Variants in SGIP1 observed in about 807,000 individuals in gnomAD.
The protein encoded by SGIP1 is SH3GL interacting endocytic adaptor 1.
SGIP1 carries 38 observed loss-of-function variants against 107.5 expected under a neutral mutation model. The ratio of observed to expected loss-of-function variants is 0.35; its 90% CI spans 0.27 to 0.46. SGIP1 has a LOEUF of 0.46. SGIP1 is among the 20% of genes least tolerant of loss of function. SGIP1 has a pLI of 1.00. For synonymous variants in SGIP1, 365 were observed against 366.1 expected, an observed-to-expected ratio of 1.00 and a Z score of 0.03; for missense variants, 929 against 1,019.5, an observed-to-expected ratio of 0.91 and a Z score of 1.21.
intron 7 of SGIP1, among the ~76,000 whole-genome samples, chr1:66,653,956 C>G (rs1401529635): frequency 6.6e-6 from 1 of 152,144 alleles, no homozygotes; most frequent in African/African-American, 2.4e-5. Flanking sequence ...GAACAGTTTA[C>G]TGAATGTTGG....
At chr1:66,540,548 C>T (rs1040083727) in intron 1 of SGIP1, among the ~76,000 whole-genome samples, 3 of 152,110 alleles carry the variant, frequency 2.0e-5, no homozygotes, top group Admixed American at 1.3e-4. Flanking sequence ...CCAGCAGGTT[C>T]GACTTGGAAT....
chr1:66,578,762 C>T (rs1338601801), intron 1 of SGIP1, among the ~76,000 whole-genome samples: 1 of 152,140 alleles, frequency 6.6e-6, no homozygotes, highest in East Asian at 1.9e-4. Flanking sequence ...ATCTCCGCCT[C>T]CCAGGTTCAA....
rs553703666 is a variant in SGIP1 at position 66,733,768 on chromosome 1, C to A, written c.1919C>A (p.Ala640Asp). Reference protein sequence around the residue: ...LLCCDNTQNDANTKEFWVNMP... With the variant: ...LLCCDNTQNDDNTKEFWVNMP... ...AACAGTGATAATACACAAAATGATG[C>A]CAATACCAAGGAATTCTGGGTAAAC... is the stretch of plus-strand genomic sequence containing the variant. Residue 640 changes from alanine (A) to aspartate (D), a missense_variant, in exon 21 of 25, where the codon GCC (alanine) becomes GAC (aspartate). By Grantham distance (126) the Ala-to-Asp change is moderately radical. Around this residue, in one of 2 missense-constraint regions of SGIP1, gnomAD observed 341 missense variants for 430.9 expected, o/e 0.79. Transcript: ENST00000371037. The A allele has an allele frequency of 3.7e-6, 6 of 1,612,750 alleles. No individual in the cohort carries two copies. Among genetic ancestry groups the A allele is most frequent in the African/African-American group, 1.3e-5 (1 of 74,960 alleles).
chr1:66,677,349 A>T (rs1368835082), intron 13 of SGIP1, among the ~76,000 whole-genome samples: 1 of 152,236 alleles, frequency 6.6e-6, no homozygotes, highest in Non-Finnish European at 1.5e-5. Context: ...CCACATGCTT[A>T]TTCATTCATT....
intron 1 of SGIP1, among the ~76,000 whole-genome samples, chr1:66,604,150 A>T (rs1355277298): frequency 6.6e-6 from 1 of 152,162 alleles, no homozygotes; most frequent in Non-Finnish European, 1.5e-5. Flanking sequence ...AGATATGCTA[A>T]ATATGATGAG....
intron 1 of SGIP1, among the ~76,000 whole-genome samples, chr1:66,561,711 A>G (rs1022851164): frequency 1.5e-4 from 23 of 152,020 alleles, no homozygotes; most frequent in Non-Finnish European, 2.8e-4. Flanking sequence ...ACTCGGTCCC[A>G]CCTGTCGGAC....
At chr1:66,664,959 TTTGTTGTTGTTG>T (rs543561544) in intron 8 of SGIP1, among the ~76,000 whole-genome samples, 1 of 151,958 alleles carries the variant, frequency 6.6e-6, no homozygotes, top group Non-Finnish European at 1.5e-5. Context: ...TTGTTGTGCT[TTTGTTGTTGTTG>T]TTGTTGTTGT....
At chr1:66,637,440 CGTGTGTGTGTGTGTTTGTGT>C (rs202190202) in intron 4 of SGIP1, among the ~76,000 whole-genome samples, 1,178 of 112,460 alleles carry the variant, frequency 0.01, 5 homozygotes, top group East Asian at 0.037. Flanking sequence ...CTAATAAAGC[CGTGTGTGTGTGTGTTTGTGT>C]GTGTGTGTGT....
chr1:66,725,038 A>G (rs906476087), intron 19 of SGIP1, among the ~76,000 whole-genome samples: 1 of 152,212 alleles, frequency 6.6e-6, no homozygotes, highest in Non-Finnish European at 1.5e-5. Context: ...GCACTAGTAT[A>G]CAAACAGGGT....
intron 1 of SGIP1, among the ~76,000 whole-genome samples, chr1:66,619,010 G>GA (rs1251127867): frequency 1.3e-5 from 2 of 152,152 alleles, no homozygotes; most frequent in African/African-American, 4.8e-5. Context: ...GCTTCTGGGG[G>GA]AGATACGTGA....
intron 2 of SGIP1, among the ~76,000 whole-genome samples, chr1:66,628,956 T>C (rs145773950): frequency 1.8e-3 from 267 of 152,360 alleles, no homozygotes; most frequent in Non-Finnish European, 2.9e-3. Context: ...ATGTTTAGTA[T>C]AAGCCTTTGC....
intron 2 of SGIP1, among the ~76,000 whole-genome samples, chr1:66,632,154 T>C (rs1436918081): frequency 6.6e-6 from 1 of 152,206 alleles, no homozygotes; most frequent in African/African-American, 2.4e-5. Flanking sequence ...CTATTGTAAG[T>C]TCTCTCTATA....
At chr1:66,719,427 T>C in intron 19 of SGIP1, 22 bp downstream of exon 19, 3 of 1,585,546 alleles carry the variant, frequency 1.9e-6, no homozygotes, top group Non-Finnish European at 2.6e-6. Context: ...ACTTGGTCCA[T>C]TGTACTTTCT....
At chr1:66,727,722 A>G (rs931536800) in intron 19 of SGIP1, among the ~76,000 whole-genome samples, 3 of 152,240 alleles carry the variant, frequency 2.0e-5, no homozygotes, top group Non-Finnish European at 4.4e-5. Flanking sequence ...AGTGCACACA[A>G]CTACATGAAC....
intron 1 of SGIP1, among the ~76,000 whole-genome samples, chr1:66,568,649 A>G (rs2059976212): frequency 1.3e-5 from 2 of 152,006 alleles, no homozygotes; most frequent in Admixed American, 6.6e-5. Context: ...AATAGCTCTT[A>G]TTATTTTGAG....
chr1:66,634,320 C>T (rs2075377058), intron 3 of SGIP1, among the ~76,000 whole-genome samples: 2 of 152,140 alleles, frequency 1.3e-5, no homozygotes, highest in Admixed American at 1.3e-4. Context: ...TCTACCTCTG[C>T]CACTCTCAGT....
At chr1:66,660,876 T>C (rs536165791) in intron 8 of SGIP1, among the ~76,000 whole-genome samples, 2 of 152,320 alleles carry the variant, frequency 1.3e-5, no homozygotes, top group East Asian at 3.9e-4. Flanking sequence ...GCTAAGCAAA[T>C]GTTTTATAAG....
intron 1 of SGIP1, among the ~76,000 whole-genome samples, chr1:66,584,437 G>T (rs1356431891): frequency 3.3e-5 from 5 of 152,100 alleles, no homozygotes; most frequent in African/African-American, 2.4e-5. Flanking sequence ...TATCTCTTCT[G>T]TAGCCCCTGT....
intron 18 of SGIP1, among the ~76,000 whole-genome samples, chr1:66,697,459 A>G (rs2091143700): frequency 6.6e-6 from 1 of 152,172 alleles, no homozygotes; most frequent in East Asian, 1.9e-4. Context: ...TATTATCTTA[A>G]TCTTGGACTT....
Sources: allele counts gnomAD v4.1 joint callset (sites outside exome capture counted in the v4.1 genomes callset), GRCh38; gene constraint gnomAD v4.1.1; regional missense constraint gnomAD v4.1.1; transcripts MANE v1.5; gene names NCBI Gene and HGNC (gene_info 2026-07-23, HGNC 2026-07-21).